GALNTL6: variants seen among roughly 807,000 people sequenced by gnomAD.
The protein encoded by GALNTL6 is polypeptide N-acetylgalactosaminyltransferase like 6.
Under a neutral mutation model 73.7 loss-of-function variants are expected in GALNTL6, and 46 were observed. That is an observed-to-expected ratio of 0.62 (90% CI 0.49 to 0.80). The LOEUF (loss-of-function observed/expected upper bound fraction) is 0.80, where lower values mean the gene tolerates loss of function less well. GALNTL6 is among the 30% of genes least tolerant of loss of function. GALNTL6 has a pLI of 0.00. For missense variants in GALNTL6, 604 were observed against 755.0 expected, an observed-to-expected ratio of 0.80 and a Z score of 2.34; for synonymous variants, 259 against 263.7, an observed-to-expected ratio of 0.98 and a Z score of 0.17.
intron 2 of GALNTL6, among the ~76,000 whole-genome samples, chr4:172,156,841 A>G (rs986520929): frequency 5.9e-5 from 9 of 151,892 alleles, no homozygotes; most frequent in Non-Finnish European, 1.0e-4. Flanking sequence ...AGGTAGCTTT[A>G]AAGATCATGA....
At chr4:172,195,473 A>G (rs769752255) in intron 2 of GALNTL6, among the ~76,000 whole-genome samples, 2 of 152,204 alleles carry the variant, frequency 1.3e-5, no homozygotes, top group African/African-American at 2.4e-5. Context: ...CAAAAACAGC[A>G]GAATATAAAT....
At chr4:172,217,764 G>T (rs1355604083) in intron 2 of GALNTL6, among the ~76,000 whole-genome samples, 1 of 152,064 alleles carries the variant, frequency 6.6e-6, no homozygotes, top group Admixed American at 6.6e-5. Context: ...GAATATAGTT[G>T]TTATGCTTGA....
chr4:172,057,721 A>T (rs1189640027), intron 2 of GALNTL6, among the ~76,000 whole-genome samples: 1,366 of 57,690 alleles, frequency 0.024, 3 homozygotes, highest in Non-Finnish European at 0.034. Context: ...AAAAAAAAAA[A>T]AAAAAAATAT....
intron 5 of GALNTL6, among the ~76,000 whole-genome samples, chr4:172,558,475 G>A (rs964624803): frequency 2.6e-5 from 4 of 152,152 alleles, no homozygotes; most frequent in African/African-American, 7.2e-5. Context: ...AGAAGAGGAA[G>A]AGACAGCAGG....
At chr4:171,837,551 AT>A (rs1417993319) in intron 2 of GALNTL6, among the ~76,000 whole-genome samples, 1 of 145,822 alleles carries the variant, frequency 6.9e-6, no homozygotes, top group African/African-American at 2.5e-5. Flanking sequence ...AGAAAAAAAA[AT>A]ATATAAATAC....
chr4:172,057,718 AAAAAAAAAAATATATATATAT>A (rs1450668270), intron 2 of GALNTL6, among the ~76,000 whole-genome samples: 3 of 83,010 alleles, frequency 3.6e-5, no homozygotes, highest in African/African-American at 8.7e-5. Flanking sequence ...AAAAAAAAAA[AAAAAAAAAAATATATATATAT>A]ATATATATAT....
intron 5 of GALNTL6, among the ~76,000 whole-genome samples, chr4:172,424,300 G>A (rs1050388277): frequency 2.6e-5 from 4 of 151,936 alleles, no homozygotes; most frequent in African/African-American, 9.7e-5. Flanking sequence ...TACATATCAT[G>A]AGACTTTCTT....
chr4:172,908,513 A>T (rs1747024267), intron 8 of GALNTL6, among the ~76,000 whole-genome samples: 1 of 152,054 alleles, frequency 6.6e-6, no homozygotes, highest in South Asian at 2.1e-4. Context: ...ATTAGGTAAT[A>T]TGACCTGCCT....
chr4:172,563,572 T>C (rs1226693036), intron 5 of GALNTL6, among the ~76,000 whole-genome samples: 1 of 152,234 alleles, frequency 6.6e-6, no homozygotes, highest in Non-Finnish European at 1.5e-5. Context: ...AAGATGAGCA[T>C]GTGCAATGCA....
At chr4:172,488,939 T>C (rs1220393187) in intron 5 of GALNTL6, among the ~76,000 whole-genome samples, 3 of 152,164 alleles carry the variant, frequency 2.0e-5, no homozygotes, top group Non-Finnish European at 4.4e-5. Flanking sequence ...AACACTGGCA[T>C]TTCTGAATAT....
At chr4:172,886,671 G>A (rs1034712419) in intron 8 of GALNTL6, among the ~76,000 whole-genome samples, 8 of 152,006 alleles carry the variant, frequency 5.3e-5, no homozygotes, top group African/African-American at 1.7e-4. Flanking sequence ...GCTGAGACAG[G>A]AGAATTGCTT....
chr4:171,966,791 A>T (rs62326336), intron 2 of GALNTL6, among the ~76,000 whole-genome samples: 65,335 of 151,970 alleles, frequency 0.43, 16,819 homozygotes, highest in Non-Finnish European at 0.57. Context: ...TTGTGTTATT[A>T]CTATTTCCAG....
chr4:172,903,756 T>C (rs1161184079), intron 8 of GALNTL6, among the ~76,000 whole-genome samples: 1 of 152,192 alleles, frequency 6.6e-6, no homozygotes, highest in Non-Finnish European at 1.5e-5. Flanking sequence ...AAAAGCAATC[T>C]TAATGCAGTA....
chr4:171,948,521 ATG>A lies in GALNTL6; in HGVS notation c.138+133813_138+133814del, dbSNP rs902690201. 2.0e-5 allele frequency among the ~76,000 whole-genome samples: 3 copies of A among 152,162 alleles called. No homozygotes were observed. In the East Asian group the frequency reaches 5.8e-4, roughly 29 times the overall value. On this transcript the variant is annotated intron_variant, in intron 2 of 12. Transcript: ENST00000506823. ...AGTTTTGAAATGTGTGTGTGCTTGC[ATG>A]TGTGTGTGTTTTAATATTAACACTC...
chr4:172,674,703 T>C (rs1013694790), intron 5 of GALNTL6, among the ~76,000 whole-genome samples: 26 of 152,200 alleles, frequency 1.7e-4, no homozygotes, highest in African/African-American at 6.3e-4. Context: ...TGACTGACTT[T>C]CTTATTTCAG....
rs200219044 is a variant in GALNTL6, at chr4:171,987,781, CAATA to C, written c.138+173067_138+173070del. Among the ~76,000 whole-genome samples, 940 of 152,144 alleles carry C rather than the reference CAATA, an allele frequency of 6.2e-3. 9 individuals are homozygous for C. The highest frequency in any genetic ancestry group is 0.039 in the East Asian group (201 of 5,160). Reference sequence around the variant, plus strand: ...CGATTAGGCCTGGTGGAACCACCATCAATAAATCAAGCGTGATCAGGGTGAGGAA... The same window carrying C: ...CGATTAGGCCTGGTGGAACCACCATCAATCAAGCGTGATCAGGGTGAGGAA... On this transcript the variant is annotated intron_variant, in intron 2 of 12. Coordinates refer to ENST00000506823, the MANE Select transcript of GALNTL6 (RefSeq NM_001034845.3).
chr4:172,388,419 A>G (rs556327264), intron 5 of GALNTL6, among the ~76,000 whole-genome samples: 1 of 152,282 alleles, frequency 6.6e-6, no homozygotes, highest in Admixed American at 6.5e-5. Context: ...TTAGTGTAAG[A>G]TAAAGTTTAC....
chr4:172,420,367 C>A (rs1731008172), intron 5 of GALNTL6, among the ~76,000 whole-genome samples: 1 of 152,154 alleles, frequency 6.6e-6, no homozygotes, highest in African/African-American at 2.4e-5. Flanking sequence ...AGCAGTAACT[C>A]CCAGATGTTA....
intron 7 of GALNTL6, among the ~76,000 whole-genome samples, chr4:172,882,020 G>A (rs1745479869): frequency 6.7e-6 from 1 of 148,796 alleles, no homozygotes; most frequent in Admixed American, 6.7e-5. Flanking sequence ...ATAGTGAGCA[G>A]TCCAAAAAAA....
Sources: allele counts gnomAD v4.1 joint callset (sites outside exome capture counted in the v4.1 genomes callset), GRCh38; gene constraint gnomAD v4.1.1; transcripts MANE v1.5; gene names NCBI Gene and HGNC (gene_info 2026-07-23, HGNC 2026-07-21).